The following CD83 variants were observed in gnomAD, a reference collection of about 807,000 sequenced individuals.
The protein encoded by CD83 is CD83 molecule.
CD83 carries 22 observed loss-of-function variants against 24.6 expected under a neutral mutation model. The observed-to-expected ratio is 0.90, with a 90% confidence interval of 0.64 to 1.28. The LOEUF is 1.28. Among genes scored for constraint, CD83 ranks in the 50% most tolerant of loss-of-function variants. The pLI is 0.00. For synonymous variants in CD83, 101 were observed against 103.5 expected, an observed-to-expected ratio of 0.98 and a Z score of 0.14; for missense variants, 253 against 252.8, an observed-to-expected ratio of 1.00 and a Z score of -0.01.
At chr6:14,123,226 T>C (rs1759711728) in intron 2 of CD83, among the ~76,000 whole-genome samples, 3 of 151,790 alleles carry the variant, frequency 2.0e-5, no homozygotes, top group Admixed American at 2.0e-4. Context: ...GCCTCCTGAG[T>C]AGCTGGGATT....
Position 14,133,733 on chromosome 6 carries a change from T to C in CD83, c.467T>C (p.Leu156Ser). 6.2e-7 allele frequency: 1 copy of C among 1,609,920 alleles called. No homozygotes were observed. The highest frequency in any genetic ancestry group is 8.5e-7 in the Non-Finnish European group (1 of 1,176,516). Reference protein sequence around the residue: ...VLLLALVIFYLTLIIFTCKFA... With the variant: ...VLLLALVIFYSTLIIFTCKFA... Reference sequence around the variant, plus strand: ...CTGCTGGCTCTGGTTATTTTCTACTTAACACTCATCATTTTCACTTGTGTA... The same window carrying C: ...CTGCTGGCTCTGGTTATTTTCTACTCAACACTCATCATTTTCACTTGTGTA... Residue 156 changes from leucine to serine, a missense_variant, in exon 4 of 5, where the codon TTA (leucine) becomes TCA (serine). Leu to Ser is a moderately radical substitution (Grantham distance 145). Transcript: ENST00000379153.
intron 2 of CD83, among the ~76,000 whole-genome samples, chr6:14,124,267 T>C (rs984382286): frequency 1.3e-5 from 2 of 152,154 alleles, no homozygotes; most frequent in African/African-American, 4.8e-5. Flanking sequence ...TTGGGACAAT[T>C]TGGAGAAGTG....
intron 2 of CD83, among the ~76,000 whole-genome samples, chr6:14,124,709 AATATATTGGCTT>A (rs1370612959): frequency 6.6e-6 from 1 of 152,196 alleles, no homozygotes; most frequent in Non-Finnish European, 1.5e-5. Context: ...AAGAGAAGGA[AATATATTGGCTT>A]ATATATAATT....
rs751677496 is a variant in CD83, at chr6:14,122,235, A to G, written c.153+4170A>G. 9.9e-5 allele frequency among the ~76,000 whole-genome samples: 15 copies of G among 152,164 alleles called. 1 individual carries two copies. The highest frequency in any genetic ancestry group is 1.9e-4 in the Non-Finnish European group (13 of 68,034). On this transcript the variant is annotated intron_variant, in intron 2 of 4. Transcript: ENST00000379153. Reference sequence around the variant, plus strand: ...ATGGAGTGTTCTGCTTCTGACATTAACACTAAGGAAACTGTTGGAGAGCAG... The same window carrying G: ...ATGGAGTGTTCTGCTTCTGACATTAGCACTAAGGAAACTGTTGGAGAGCAG...
Position 14,133,732 on chromosome 6 carries a change from T to A in CD83, c.466T>A (p.Leu156Ile). The A allele has an allele frequency of 6.2e-7, 1 of 1,610,322 alleles. No homozygotes were observed. Among genetic ancestry groups the A allele is most frequent in the Non-Finnish European group, 8.5e-7 (1 of 1,176,822 alleles). Residue 156 changes from leucine (L) to isoleucine (I), a missense_variant, in exon 4 of 5, where the codon TTA (leucine) becomes ATA (isoleucine). By Grantham distance (5) the Leu-to-Ile change is conservative (BLOSUM62 2). Coordinates refer to ENST00000379153, the MANE Select transcript of CD83 (RefSeq NM_004233.4). ...VLLLALVIFY[L>I]TLIIFTCKFA... ...GCTGCTGGCTCTGGTTATTTTCTAC[T>A]TAACACTCATCATTTTCACTTGTGT... is the stretch of plus-strand genomic sequence containing the variant.
intron 2 of CD83, among the ~76,000 whole-genome samples, chr6:14,130,268 T>C (rs2113399760): frequency 6.6e-6 from 1 of 152,312 alleles, no homozygotes; most frequent in South Asian, 2.1e-4. Flanking sequence ...GTACATTCAT[T>C]TTAGAAGCTT....
Position 14,135,372 on chromosome 6 carries a change from G to A in CD83, c.*136G>A. The A allele has an allele frequency of 1.0e-6, 1 of 961,754 alleles. No homozygotes were observed. The highest frequency in any genetic ancestry group is 1.5e-6 in the Non-Finnish European group (1 of 656,590). 59.6% of individuals were successfully genotyped at this position (961,754 alleles called of 1,614,324 possible). A position where few individuals can be genotyped will look rare whatever the true frequency, so the allele number is the denominator to read the frequency against. On this transcript the variant is annotated 3_prime_UTR_variant, in exon 5 of 5. Coordinates refer to ENST00000379153, the MANE Select transcript of CD83 (RefSeq NM_004233.4). ...TCCTTCACCTCACTGAAAACATCTG[G>A]AAGGGGATCCCACCCCATTTTCTGT... is the stretch of plus-strand genomic sequence containing the variant.
chr6:14,124,577 G>C (rs1759742159), intron 2 of CD83, among the ~76,000 whole-genome samples: 2 of 152,146 alleles, frequency 1.3e-5, no homozygotes, highest in South Asian at 4.1e-4. Context: ...CTGGCCTCGA[G>C]GCTGGAGCCA....
chr6:14,118,189 C>T (rs528267217), intron 2 of CD83, 124 bp downstream of exon 2: 6 of 652,728 alleles, frequency 9.2e-6, no homozygotes, highest in African/African-American at 3.7e-5. Context: ...TCTCCCGCAG[C>T]TGAACTTGGA....
At chr6:14,119,038 C>T (rs922189723) in intron 2 of CD83, among the ~76,000 whole-genome samples, 2 of 152,212 alleles carry the variant, frequency 1.3e-5, no homozygotes, top group Non-Finnish European at 2.9e-5. Flanking sequence ...AGAAACTGTA[C>T]GTCTTTGGCC....
In CD83 at chr6:14,117,801, G is replaced by C; in HGVS notation, c.-11G>C. The C allele has an allele frequency of 6.5e-7, 1 of 1,527,342 alleles. No homozygotes were observed. The highest frequency in any genetic ancestry group is 1.4e-5 in the African/African-American group (1 of 72,072). 94.6% of individuals were successfully genotyped at this position (1,527,342 alleles called of 1,614,324 possible). ...CTCTGCAGCTCGTGGCAGCGGCGCA[G>C]CGCTCCAGCCATGTCGCGCGGCCTC... On this transcript the variant is annotated 5_prime_UTR_variant, in exon 1 of 5. Transcript: ENST00000379153. This position sits in a 1 kb window ranked among gnomAD's most constrained non-coding sequence, Gnocchi z 4.6.
At position 14,117,800 on chromosome 6, in the gene CD83, A is replaced by G; in HGVS notation, c.-12A>G. 1 of 1,524,458 alleles carries G rather than the reference A, an allele frequency of 6.6e-7. No individual in the cohort carries two copies. Among genetic ancestry groups the G allele is most frequent in the Non-Finnish European group, 8.8e-7 (1 of 1,140,496 alleles). The allele number at this position is 1,524,458 out of a possible 1,614,324, so 94.4% of individuals were successfully genotyped here. ...GCTCTGCAGCTCGTGGCAGCGGCGCAGCGCTCCAGCCATGTCGCGCGGCCT... is the reference window on the plus strand; with the variant it reads ...GCTCTGCAGCTCGTGGCAGCGGCGCGGCGCTCCAGCCATGTCGCGCGGCCT... On this transcript the variant is annotated 5_prime_UTR_variant, in exon 1 of 5. Transcript: ENST00000379153. The surrounding 1 kb of genome is among the most constrained non-coding windows in gnomAD (Gnocchi z 4.6).
chr6:14,135,218 C>T lies in CD83; in HGVS notation c.600C>T (p.His200=), dbSNP rs912580915. The change falls in exon 5 of 5, where the codon CAC becomes CAT. Residue 200 remains histidine, a synonymous_variant. Transcript: ENST00000379153. The stretch of plus-strand genomic sequence containing the variant: ...AGCATTTAGGGCTAGTGACTCCTCA[C>T]AAGACAGAACTGGTATGAGCAGGAT... ...PNKHLGLVTP[H]KTELV is the part of the protein sequence containing the mutation. The T allele has an allele frequency of 5.0e-6, 8 of 1,614,006 alleles. No homozygotes were observed. The highest frequency in any genetic ancestry group is 1.1e-5 in the South Asian group (1 of 91,090).
chr6:14,123,390 C>A (rs969264857), intron 2 of CD83, among the ~76,000 whole-genome samples: 61 of 152,282 alleles, frequency 4.0e-4, no homozygotes, highest in African/African-American at 1.3e-3. Flanking sequence ...TAAGCCACCA[C>A]GCCCGGCCTC....
chr6:14,118,235 C>T (rs1205144445), intron 2 of CD83, among the ~76,000 whole-genome samples, 170 bp downstream of exon 2: 2 of 152,196 alleles, frequency 1.3e-5, no homozygotes, highest in Admixed American at 6.5e-5. Context: ...CCCACCCCAT[C>T]CGCATCCAGG....
At chr6:14,133,960 T>G (rs1447062130) in intron 4 of CD83, among the ~76,000 whole-genome samples, 1 of 152,070 alleles carries the variant, frequency 6.6e-6, no homozygotes, top group Non-Finnish European at 1.5e-5. Context: ...TGGCTACGTT[T>G]AGAGCATTGT....
intron 4 of CD83, 27 bp downstream of exon 4, chr6:14,133,782 CTT>C (rs1757980704): frequency 6.9e-7 from 1 of 1,443,336 alleles, no homozygotes; most frequent in Admixed American, 1.7e-5. Context: ...AACATCTTCT[CTT>C]ATTAAAAGAT....
chr6:14,134,981 G>A, intron 4 of CD83, 127 bp from the exon 5 acceptor site: 1 of 827,962 alleles, frequency 1.2e-6, no homozygotes, highest in Non-Finnish European at 1.9e-6. Context: ...GAGCGAGTGA[G>A]GCAGTGAGTA....
chr6:14,124,324 C>T (rs968350201), intron 2 of CD83, among the ~76,000 whole-genome samples: 3 of 152,110 alleles, frequency 2.0e-5, no homozygotes, highest in Non-Finnish European at 2.9e-5. Flanking sequence ...TCGGGGTTAC[C>T]GATTAGAATC....
Sources: allele counts gnomAD v4.1 joint callset (sites outside exome capture counted in the v4.1 genomes callset), GRCh38; gene constraint gnomAD v4.1.1; non-coding constraint Gnocchi (gnomAD v3.1); transcripts MANE v1.5; gene names NCBI Gene and HGNC (gene_info 2026-07-23, HGNC 2026-07-21).